Variants in CTNNA2 observed in about 807,000 individuals in gnomAD.
The protein encoded by CTNNA2 is catenin alpha 2.
In CTNNA2, 42 loss-of-function variants were observed where a neutral mutation model predicts 101.0. That is an observed-to-expected ratio of 0.42 (90% CI 0.32 to 0.54). The LOEUF (loss-of-function observed/expected upper bound fraction) is 0.54, where lower values mean the gene tolerates loss of function less well. Among genes scored for constraint, CTNNA2 ranks in the 20% least tolerant of loss-of-function variants. The pLI, the probability that CTNNA2 is intolerant of heterozygous loss-of-function variation, is 0.14. For synonymous variants in CTNNA2, 450 were observed against 456.4 expected (o/e 0.99, Z 0.18); for missense variants, 871 against 1,223.1 (o/e 0.71, Z 4.29).
At chr2:80,244,082 C>G (rs1174190206) in intron 7 of CTNNA2, among the ~76,000 whole-genome samples, 1 of 152,104 alleles carries the variant, frequency 6.6e-6, no homozygotes, top group African/African-American at 2.4e-5. Context: ...TATTAATGAC[C>G]TAACATGAAG....
At chr2:80,489,153 A>C (rs1165758019) in intron 9 of CTNNA2, among the ~76,000 whole-genome samples, 1 of 152,168 alleles carries the variant, frequency 6.6e-6, no homozygotes, top group African/African-American at 2.4e-5. Flanking sequence ...GCATTCAGCA[A>C]GTTATAAGTC....
At chr2:79,984,720 A>G (rs948089849) in intron 7 of CTNNA2, among the ~76,000 whole-genome samples, 1 of 152,068 alleles carries the variant, frequency 6.6e-6, no homozygotes, top group Non-Finnish European at 1.5e-5. Context: ...GGCATCAGAA[A>G]TGCCCAGCCC....
At chr2:80,474,683 A>T (rs1170217965) in intron 9 of CTNNA2, among the ~76,000 whole-genome samples, 1 of 152,150 alleles carries the variant, frequency 6.6e-6, no homozygotes, top group Non-Finnish European at 1.5e-5. Context: ...TTTTTATTGA[A>T]ATTTCCTGTG....
chr2:79,972,284 C>G (rs1381348407), intron 7 of CTNNA2, among the ~76,000 whole-genome samples: 4 of 152,162 alleles, frequency 2.6e-5, no homozygotes, highest in Non-Finnish European at 5.9e-5. Context: ...GAAGAAGATA[C>G]AGCTTCTACT....
At chr2:80,379,719 C>T (rs1334080151) in intron 7 of CTNNA2, among the ~76,000 whole-genome samples, 1 of 152,142 alleles carries the variant, frequency 6.6e-6, no homozygotes, top group African/African-American at 2.4e-5. Flanking sequence ...ATTGAACTAT[C>T]CTCCTGTTTC....
At chr2:79,881,662 A>C (rs576651952) in intron 6 of CTNNA2, among the ~76,000 whole-genome samples, 35 of 151,426 alleles carry the variant, frequency 2.3e-4, no homozygotes, top group Admixed American at 9.9e-4. Context: ...TTGCTTGGTA[A>C]GTTTTCCACC....
intron 3 of CTNNA2, among the ~76,000 whole-genome samples, chr2:79,334,350 C>A (rs1389052627): frequency 6.6e-6 from 1 of 151,804 alleles, no homozygotes; most frequent in Non-Finnish European, 1.5e-5. Flanking sequence ...AACAGCATAG[C>A]TTTTTTTCTG....
intron 9 of CTNNA2, among the ~76,000 whole-genome samples, chr2:80,442,945 C>G (rs1682721436): frequency 1.3e-5 from 2 of 152,216 alleles, no homozygotes; most frequent in Admixed American, 6.5e-5. Context: ...CATGCATCTC[C>G]TAAATACCCA....
At position 79,234,077 on chromosome 2, in the gene CTNNA2, A is replaced by T. The variant is rs992622175; in HGVS notation, c.-406+36001A>T. Among the ~76,000 whole-genome samples the T allele has an allele frequency of 2.0e-5, 3 of 151,028 alleles. No individual in the cohort carries two copies. In the East Asian group the frequency reaches 5.8e-4, roughly 29 times the overall value. The stretch of plus-strand genomic sequence containing the variant: ...TGATATACAAGATTTTGATCCTGTC[A>T]TCATGTTGTTAGCTAACTTGGTTTT... On this transcript the variant is annotated intron_variant, in intron 2 of 21. Coordinates refer to the CTNNA2 transcript ENST00000466387.
In CTNNA2 at chr2:80,515,206, G is replaced by A. The variant is rs753336443; in HGVS notation, c.1291-29776G>A. Among the ~76,000 whole-genome samples the A allele has an allele frequency of 7.3e-5, 11 of 149,822 alleles. No individual in the cohort carries two copies. The South Asian group carries it at 1.1e-3, about 14-fold the overall frequency. ...CTCATTTTCAGGACCATTCTCATGAGTTTCAAATAGGATTTTTTTCTTGGA... is the reference window on the plus strand; with the variant it reads ...CTCATTTTCAGGACCATTCTCATGAATTTCAAATAGGATTTTTTTCTTGGA... On this transcript the variant is annotated intron_variant, in intron 9 of 18. Coordinates refer to ENST00000402739, the MANE Select transcript of CTNNA2 (RefSeq NM_001282597.3).
At chr2:80,545,116 T>A in intron 10 of CTNNA2, 42 bp downstream of exon 10, 1 of 1,586,384 alleles carries the variant, frequency 6.3e-7, no homozygotes, top group Non-Finnish European at 8.6e-7. Flanking sequence ...GTCAGTGACC[T>A]TCTCCACTCC....
chr2:79,538,670 A>G (rs1673221116), intron 1 of CTNNA2, among the ~76,000 whole-genome samples: 1 of 152,150 alleles, frequency 6.6e-6, no homozygotes, highest in African/African-American at 2.4e-5. Context: ...TATTGCTGAG[A>G]GGTGAGTAGG....
chr2:80,641,802 A>T (rs1277022149), intron 18 of CTNNA2, among the ~76,000 whole-genome samples: 1 of 152,216 alleles, frequency 6.6e-6, no homozygotes, highest in Admixed American at 6.5e-5. Context: ...AAAGGATATT[A>T]ATATTGATTT....
At chr2:80,608,757 G>C (rs1164377705) in intron 17 of CTNNA2, among the ~76,000 whole-genome samples, 2 of 151,760 alleles carry the variant, frequency 1.3e-5, no homozygotes, top group Non-Finnish European at 2.9e-5. Flanking sequence ...TCATTCATCA[G>C]GTTCCAATGC....
intron 9 of CTNNA2, among the ~76,000 whole-genome samples, chr2:80,453,473 C>T (rs1683699925): frequency 6.6e-6 from 1 of 152,056 alleles, no homozygotes; most frequent in Admixed American, 6.6e-5. Flanking sequence ...AATGGATATT[C>T]TCTGCTGGCT....
At chr2:79,994,791 G>T (rs1692430266) in intron 7 of CTNNA2, among the ~76,000 whole-genome samples, 1 of 151,958 alleles carries the variant, frequency 6.6e-6, no homozygotes. Context: ...CTTAACATCT[G>T]CTCTTTAATA....
intron 7 of CTNNA2, among the ~76,000 whole-genome samples, chr2:80,027,613 A>G (rs9309555): frequency 0.11 from 17,188 of 152,130 alleles, 2,264 homozygotes; most frequent in African/African-American, 0.32. Flanking sequence ...GTGAAGAAGT[A>G]GGAGCAGACT....
chr2:80,586,782 A>C (rs1270093893), intron 14 of CTNNA2, among the ~76,000 whole-genome samples: 2 of 152,200 alleles, frequency 1.3e-5, no homozygotes, highest in Non-Finnish European at 2.9e-5. Context: ...TAAAATTTAC[A>C]CGTACACACG....
intron 6 of CTNNA2, among the ~76,000 whole-genome samples, chr2:79,897,304 C>A (rs185012767): frequency 6.8e-6 from 1 of 146,210 alleles, no homozygotes; most frequent in Non-Finnish European, 1.5e-5. Flanking sequence ...GATTTTAAGA[C>A]TAGGCTGTTA....
Sources: gnomAD v4.1 joint callset for allele counts (sites outside exome capture counted in the v4.1 genomes callset) on GRCh38, gnomAD v4.1.1 for gene constraint, MANE v1.5 for transcripts, NCBI Gene and HGNC (gene_info 2026-07-23, HGNC 2026-07-21) for gene names.